OXR1: variants seen among roughly 807,000 people sequenced by gnomAD.
OXR1 encodes oxidation resistance 1.
OXR1 carries 41 observed loss-of-function variants against 104.6 expected under a neutral mutation model. The ratio of observed to expected loss-of-function variants is 0.39; its 90% confidence interval spans 0.31 to 0.51. The LOEUF is 0.51. OXR1 is among the 20% of genes least tolerant of loss of function. The pLI is 0.77. For missense variants in OXR1, 955 were observed against 1,031.9 expected (o/e 0.93, Z 1.02); for synonymous variants, 348 against 348.4 (o/e 1.00, Z 0.01).
chr8:106,316,709 CTATCTATCATCTATCTATCT>C (rs1445243658), intron 1 of OXR1, among the ~76,000 whole-genome samples: 7 of 106,268 alleles, frequency 6.6e-5, no homozygotes, highest in Non-Finnish European at 1.2e-4. Flanking sequence ...ATCTATCTAT[CTATCTATCATCTATCTATCT>C]ATCTATCTAT....
chr8:106,518,945 T>C lies in OXR1; in HGVS notation c.26T>C (p.Leu9Pro). The stretch of plus-strand genomic sequence containing the variant: ...CATGTGGTCTTCTTTACTTGTAGGC[T>C]GAAGAAAAAGTCCCAGTCGGTGGAT... The part of the protein sequence containing the change: MSVSNLSW[L>P]KKKSQSVDIN... Residue 9 changes from leucine to proline, a missense_variant and splice_region_variant, in exon 3 of 17, where the codon CTG becomes CCG. By Grantham distance (98) the Leu-to-Pro change is moderately conservative (BLOSUM62 -3). Around this residue, in one of 2 missense-constraint regions of OXR1, gnomAD observed 849 missense variants for 852.9 expected, o/e 1.00. Coordinates refer to ENST00000517566, the MANE Select transcript of OXR1 (RefSeq NM_001198533.2). 1.3e-6 allele frequency: 2 copies of C among 1,549,066 alleles called. No individual in the cohort carries two copies. The highest frequency in any genetic ancestry group is 1.7e-6 in the Non-Finnish European group (2 of 1,145,122).
intron 3 of OXR1, among the ~76,000 whole-genome samples, chr8:106,676,005 G>T (rs998435616): frequency 6.6e-6 from 1 of 152,040 alleles, no homozygotes; most frequent in Non-Finnish European, 1.5e-5. Flanking sequence ...AGGATAGTTA[G>T]ATCTTACGAA....
At chr8:106,316,402 C>T (rs1174450580) in intron 1 of OXR1, among the ~76,000 whole-genome samples, 2 of 152,162 alleles carry the variant, frequency 1.3e-5, no homozygotes, top group African/African-American at 4.8e-5. Context: ...AGAATCTACA[C>T]TGAGGACAGG....
At chr8:106,533,462 A>G (rs1331642117) in intron 3 of OXR1, among the ~76,000 whole-genome samples, 1 of 152,188 alleles carries the variant, frequency 6.6e-6, no homozygotes, top group Non-Finnish European at 1.5e-5. Context: ...ATTCAAAGAG[A>G]GAGAGGAAGC....
At chr8:106,341,794 T>A (rs1815260398) in intron 1 of OXR1, among the ~76,000 whole-genome samples, 1 of 152,150 alleles carries the variant, frequency 6.6e-6, no homozygotes, top group South Asian at 2.1e-4. Context: ...CAAGATCACC[T>A]CATTTTGTCA....
At chr8:106,638,934 CA>C (rs1285331526) in intron 3 of OXR1, among the ~76,000 whole-genome samples, 3 of 136,416 alleles carry the variant, frequency 2.2e-5, no homozygotes, top group Admixed American at 7.2e-5. Context: ...CAACAAAAAT[CA>C]AAAAAAAATT....
intron 1 of OXR1, among the ~76,000 whole-genome samples, chr8:106,353,944 A>G (rs867176010): frequency 7.9e-5 from 12 of 152,210 alleles, no homozygotes; most frequent in Middle Eastern, 3.4e-3. Flanking sequence ...TTCTGCTTCT[A>G]TGAGTTCTGC....
rs767188608 is a variant in OXR1, at chr8:106,519,038, C to T, written c.119C>T (p.Pro40Leu). 4.4e-5 allele frequency: 69 copies of T among 1,551,630 alleles called. No homozygotes were observed. The highest frequency in any genetic ancestry group is 3.1e-4 in the South Asian group (26 of 84,058). Reference protein sequence around the residue: ...GKQTPQASKPPAPKTPIIEEE... With the variant: ...GKQTPQASKPLAPKTPIIEEE... ...CAAACACCACAAGCCAGTAAGCCCCCGGCACCCAAGACCCCCATCATTGAA... is the reference window on the plus strand; with the variant it reads ...CAAACACCACAAGCCAGTAAGCCCCTGGCACCCAAGACCCCCATCATTGAA... The change falls in exon 3 of 17, where the codon CCG becomes CTG. Residue 40 changes from proline to leucine, a missense_variant. Around this residue, in one of 2 missense-constraint regions of OXR1, gnomAD observed 849 missense variants for 852.9 expected, o/e 1.00. Transcript: ENST00000517566.
At chr8:106,709,578 C>A (rs1018413615) in intron 9 of OXR1, among the ~76,000 whole-genome samples, 6 of 151,384 alleles carry the variant, frequency 4.0e-5, no homozygotes, top group African/African-American at 1.5e-4. Context: ...ATGTGGTGGA[C>A]CAATTTTGTT....
chr8:106,688,849 A>G (rs541909642), intron 6 of OXR1, among the ~76,000 whole-genome samples: 1 of 152,234 alleles, frequency 6.6e-6, no homozygotes, highest in South Asian at 2.1e-4. Flanking sequence ...GTACTGCCTA[A>G]GTAATGAAAT....
At chr8:106,674,972 AACAGACTAATACATAAGGAT>A (rs1827415752) in intron 3 of OXR1, among the ~76,000 whole-genome samples, 2 of 152,200 alleles carry the variant, frequency 1.3e-5, no homozygotes, top group Non-Finnish European at 2.9e-5. Context: ...GCAGTGTGAG[AACAGACTAATACATAAGGAT>A]ACAGAAATGT....
intron 11 of OXR1, among the ~76,000 whole-genome samples, chr8:106,732,340 C>A (rs1203361278): frequency 6.6e-6 from 1 of 151,972 alleles, no homozygotes; most frequent in African/African-American, 2.4e-5. Context: ...CTCTTTCTTC[C>A]CTATTTATAT....
At position 106,607,162 on chromosome 8, in the gene OXR1, C is replaced by G. The variant is rs1352325893; in HGVS notation, c.221-72048C>G. Among the ~76,000 whole-genome samples the G allele has an allele frequency of 2.0e-5, 3 of 152,202 alleles. No homozygotes were observed. In the East Asian group the frequency reaches 5.8e-4, roughly 29 times the overall value. On this transcript the variant is annotated intron_variant, in intron 3 of 16. Coordinates refer to ENST00000517566, the MANE Select transcript of OXR1 (RefSeq NM_001198533.2). ...CTCTTCCCTTCTTGAAGATATTTTA[C>G]TGCTGGGGTATCAACTTATTTACAT...
At chr8:106,665,557 T>C (rs1164785341) in intron 3 of OXR1, among the ~76,000 whole-genome samples, 1 of 152,196 alleles carries the variant, frequency 6.6e-6, no homozygotes, top group Non-Finnish European at 1.5e-5. Flanking sequence ...AGTGTTAAAA[T>C]TTGCTAGATT....
chr8:106,357,255 C>T (rs749363135), intron 1 of OXR1, among the ~76,000 whole-genome samples: 6 of 151,250 alleles, frequency 4.0e-5, no homozygotes, highest in Non-Finnish European at 5.9e-5. Context: ...ACTGAACCCT[C>T]GATAAAAATG....
chr8:106,718,611 A>G (rs1260007561), intron 11 of OXR1, among the ~76,000 whole-genome samples: 1 of 152,054 alleles, frequency 6.6e-6, no homozygotes, highest in Non-Finnish European at 1.5e-5. Flanking sequence ...AGGCCGAGAC[A>G]GGTGGATCAC....
At chr8:106,618,172 G>C in intron 3 of OXR1, 1 of 1,536,030 alleles carries the variant, frequency 6.5e-7, no homozygotes, top group Non-Finnish European at 8.7e-7. Flanking sequence ...GAAATGTTCT[G>C]CCAGCGCAAA....
intron 2 of OXR1, among the ~76,000 whole-genome samples, chr8:106,437,463 A>C (rs1563522877): frequency 6.6e-6 from 1 of 152,288 alleles, no homozygotes; most frequent in African/African-American, 2.4e-5. Context: ...CACCAATGCA[A>C]CTGGTCTTTA....
chr8:106,501,967 G>A (rs972467513), intron 2 of OXR1, among the ~76,000 whole-genome samples: 1 of 152,156 alleles, frequency 6.6e-6, no homozygotes, highest in African/African-American at 2.4e-5. Context: ...GTACTTTGGG[G>A]TTAAGCTTTG....
Sources: gnomAD v4.1 joint callset for allele counts (sites outside exome capture counted in the v4.1 genomes callset) on GRCh38, gnomAD v4.1.1 for gene constraint, gnomAD v4.1.1 regional missense constraint, MANE v1.5 for transcripts, NCBI Gene and HGNC (gene_info 2026-07-23, HGNC 2026-07-21) for gene names.